PLK3: variants seen among roughly 807,000 people sequenced by gnomAD.
The protein encoded by PLK3 is serine/threonine-protein kinase PLK3.
PLK3 carries 41 observed loss-of-function variants against 71.6 expected under a neutral mutation model. The observed-to-expected ratio is 0.57, with a 90% CI of 0.45 to 0.74. The LOEUF is 0.74. Ranked by LOEUF, PLK3 falls within the 30% of genes least tolerant of loss-of-function variation. The pLI is 0.00. For missense variants in PLK3, 791 were observed against 875.6 expected (o/e 0.90, Z 1.22); for synonymous variants, 366 against 355.4 (o/e 1.03, Z -0.33).
Position 44,801,748 on chromosome 1 carries a change from T to C in PLK3, c.562T>C (p.Leu188=), listed in dbSNP as rs775945433. ...CGGCATCTTGCACCGGGACCTCAAGTTGGGTGAGACTCCTGAGCCTGGAGG... is the reference window on the plus strand; with the variant it reads ...CGGCATCTTGCACCGGGACCTCAAGCTGGGTGAGACTCCTGAGCCTGGAGG... ...QRGILHRDLK[L]GNFFITENME... is the part of the protein sequence containing the mutation. The change falls in exon 4 of 15, where the codon TTG becomes CTG. Residue 188 remains leucine (L), a synonymous_variant. Transcript: ENST00000372201. The C allele has an allele frequency of 6.5e-7, 1 of 1,530,618 alleles. No homozygotes were observed. The highest frequency in any genetic ancestry group is 1.1e-5 in the South Asian group (1 of 89,624). The allele number at this position is 1,530,618 out of a possible 1,614,324, so 94.8% of individuals were successfully genotyped here.
chr1:44,805,338 G>C lies in PLK3; in HGVS notation c.1708G>C (p.Asp570His). ...PPLLLQWVKT[D>H]QALLMLFSDG... ...CTTGCTGCTGCAGTGGGTCAAGACG[G>C]ATCAGGCTCTCCTCATGCTGTTTAG... The change falls in exon 14 of 15, where the codon GAT becomes CAT. Residue 570 changes from aspartate to histidine, a missense_variant. Asp to His is a moderately conservative substitution (Grantham distance 81). Transcript: ENST00000372201. The C allele has an allele frequency of 1.9e-6, 3 of 1,614,068 alleles. No homozygotes were observed. In the South Asian group the frequency reaches 3.3e-5, roughly 18 times the overall value.
Position 44,801,087 on chromosome 1 carries a change from C to T in PLK3, c.370C>T (p.Arg124Cys), listed in dbSNP as rs758824217. The T allele has an allele frequency of 1.8e-5, 29 of 1,613,432 alleles. No individual in the cohort carries two copies. The Middle Eastern group carries it at 6.6e-4, about 37-fold the overall frequency. The change falls in exon 3 of 15, where the codon CGT becomes TGT. Residue 124 changes from arginine (R) to cysteine (C), a missense_variant. Arg to Cys is a radical substitution (Grantham distance 180). Coordinates refer to ENST00000372201, the MANE Select transcript of PLK3 (RefSeq NM_004073.4). ...HRDLQHRHIV[R>C]FSHHFEDADN... is the part of the protein sequence containing the mutation. The stretch of plus-strand genomic sequence containing the variant: ...AGACCTGCAGCACCGCCACATCGTG[C>T]GTTTTTCGCACCACTTTGAGGACGC...
chr1:44,803,387 G>T lies in PLK3; in HGVS notation c.1068G>T (p.Lys356Asn). 1 of 1,614,064 alleles carries T rather than the reference G, an allele frequency of 6.2e-7. No homozygotes were observed. ...KVTKSLFGRK[K>N]KSKNHAQERD... ...CCAAGAGCCTCTTTGGCAGAAAGAA[G>T]AAGAGTGAGTCTGGGGTGTCAGTGG... The change falls in exon 8 of 15, where the codon AAG becomes AAT. Residue 356 changes from lysine to asparagine, a missense_variant. Coordinates refer to ENST00000372201, the MANE Select transcript of PLK3 (RefSeq NM_004073.4). This position sits in a 1 kb window ranked among gnomAD's most constrained non-coding sequence, Gnocchi z 4.3.
chr1:44,802,777 C>T lies in PLK3; in HGVS notation c.671C>T (p.Pro224Leu). 1 of 1,613,362 alleles carries T rather than the reference C, an allele frequency of 6.2e-7. No individual in the cohort carries two copies. The highest frequency in any genetic ancestry group is 8.5e-7 in the Non-Finnish European group (1 of 1,179,764). The change falls in exon 6 of 15, where the codon CCC becomes CTC. Residue 224 changes from proline (P) to leucine (L), a missense_variant. Coordinates refer to ENST00000372201, the MANE Select transcript of PLK3 (RefSeq NM_004073.4). ...EQRKKTICGT[P>L]NYVAPEVLLR... is the part of the protein sequence containing the mutation. ...TCTTTCAGGACCATCTGTGGCACCC[C>T]CAACTATGTGGCTCCAGAAGTGCTG...
intron 5 of PLK3, among the ~76,000 whole-genome samples, 173 bp from the exon 6 acceptor site, chr1:44,802,587 G>A (rs141192716): frequency 7.2e-5 from 11 of 152,186 alleles, no homozygotes; most frequent in East Asian, 3.9e-4. Flanking sequence ...TGGGCCAGGC[G>A]GGTGGGCGGG....
At chr1:44,802,537 GGTCAGGCCCTCCCCCT>G (rs1651866466) in intron 5 of PLK3, among the ~76,000 whole-genome samples, 1 of 152,050 alleles carries the variant, frequency 6.6e-6, no homozygotes, top group African/African-American at 2.4e-5. Context: ...CTGGGCTGGG[GGTCAGGCCCTCCCCCT>G]GTCATGAAGA....
In PLK3 at chr1:44,805,266, G is replaced by A. The variant is rs1408615947; in HGVS notation, c.1636G>A (p.Gly546Ser). The change falls in exon 14 of 15, where the codon GGT (glycine) becomes AGT (serine). Residue 546 changes from glycine (G) to serine (S), a missense_variant and splice_region_variant. Coordinates refer to ENST00000372201, the MANE Select transcript of PLK3 (RefSeq NM_004073.4). Reference protein sequence around the residue: ...ASYMEQHLMKGGDLPSVEEVE... With the variant: ...ASYMEQHLMKSGDLPSVEEVE... ...TGACCTGCCCTGATCCTGCTCCCAG[G>A]GTGGAGATCTGCCCAGTGTGGAAGA... 3.1e-6 allele frequency: 5 copies of A among 1,607,630 alleles called. No homozygotes were observed. Among genetic ancestry groups the A allele is most frequent in the East Asian group, 4.5e-5 (2 of 44,830 alleles).
Position 44,803,574 on chromosome 1 carries a change from AGGAC to A in PLK3, c.1073-23_1073-20del. The A allele has an allele frequency of 1.2e-6, 2 of 1,602,160 alleles. No individual in the cohort carries two copies. Among genetic ancestry groups the A allele is most frequent in the Non-Finnish European group, 1.7e-6 (2 of 1,169,452 alleles). ...AGTGGAGGGGCTGGGCAGGATACTG[AGGAC>A]GGTATCACCTTTCACCCCCAGGTAA... On this transcript the variant is annotated intron_variant, in intron 8 of 14. Transcript: ENST00000372201. This position sits in a 1 kb window ranked among gnomAD's most constrained non-coding sequence, Gnocchi z 4.3.
chr1:44,805,114 A>T (rs747712266), intron 13 of PLK3, 152 bp from the exon 14 acceptor site: 3 of 566,298 alleles, frequency 5.3e-6, no homozygotes, highest in Non-Finnish European at 9.4e-6. Flanking sequence ...TCAAAAAAAA[A>T]AAATAAAGAA....
In PLK3 at chr1:44,804,712, G is replaced by A. The variant is rs1038238648; in HGVS notation, c.1568G>A (p.Arg523Gln). ...HFSFSVGAVP[R>Q]ALQPQLGILR... ...TCCTTCTCCGTGGGTGCTGTGCCCCGGGCCCTGCAGCCTCAGCTGGGTATC... is the reference window on the plus strand; with the variant it reads ...TCCTTCTCCGTGGGTGCTGTGCCCCAGGCCCTGCAGCCTCAGCTGGGTATC... The change falls in exon 13 of 15, where the codon CGG (arginine) becomes CAG (glutamine). Residue 523 changes from arginine to glutamine, a missense_variant. Transcript: ENST00000372201. The A allele has an allele frequency of 9.3e-6, 15 of 1,613,882 alleles. No homozygotes were observed. In the Admixed American group the frequency reaches 1.0e-4, roughly 11 times the overall value.
chr1:44,802,609 C>T (rs765274564), intron 5 of PLK3, 151 bp from the exon 6 acceptor site: 2 of 645,348 alleles, frequency 3.1e-6, no homozygotes, highest in Non-Finnish European at 2.8e-6. Flanking sequence ...ACTCAGCTGC[C>T]ATCCCTGGCA....
chr1:44,801,951 G>T lies in PLK3; in HGVS notation c.653+19G>T. On this transcript the variant is annotated intron_variant, in intron 5 of 14. Transcript: ENST00000372201. ...GGAAGAAGTGAGTTTTGAGGAAAGG[G>T]GCCCTGTGTGTGATACAGATGACAT... The T allele has an allele frequency of 6.3e-7, 1 of 1,583,904 alleles. No homozygotes were observed.
chr1:44,801,649 C>T lies in PLK3; in HGVS notation c.463C>T (p.His155Tyr). The T allele has an allele frequency of 6.2e-7, 1 of 1,613,650 alleles. No individual in the cohort carries two copies. Among genetic ancestry groups the T allele is most frequent in the East Asian group, 2.2e-5 (1 of 44,874 alleles). ...KSLAHIWKAR[H>Y]TLLEPEVRYY... ...CCTGGCCCACATCTGGAAGGCCCGG[C>T]ACACCCTGTTGGAGCCAGAAGTGCG... is the stretch of plus-strand genomic sequence containing the variant. The change falls in exon 4 of 15, where the codon CAC becomes TAC. Residue 155 changes from histidine to tyrosine, a missense_variant. His to Tyr is a moderately conservative substitution (Grantham distance 83, BLOSUM62 2). Coordinates refer to ENST00000372201, the MANE Select transcript of PLK3 (RefSeq NM_004073.4).
rs772230847 is a variant in PLK3, at chr1:44,803,013, C to T, written c.808C>T (p.Arg270Cys). Residue 270 changes from arginine to cysteine, a missense_variant, in exon 7 of 15, where the codon CGC becomes TGC. By Grantham distance (180) the Arg-to-Cys change is radical (BLOSUM62 -3). Coordinates refer to ENST00000372201, the MANE Select transcript of PLK3 (RefSeq NM_004073.4). The surrounding 1 kb of genome is among the most constrained non-coding windows in gnomAD (Gnocchi z 4.3). The stretch of plus-strand genomic sequence containing the variant: ...GACGGCTGACCTGAAGGAGACGTAC[C>T]GCTGCATCAAGCAGGTTCACTACAC... ...FETADLKETY[R>C]CIKQVHYTLP... is the part of the protein sequence containing the mutation. The T allele has an allele frequency of 8.1e-6, 13 of 1,613,914 alleles. No homozygotes were observed. Among genetic ancestry groups the T allele is most frequent in the Admixed American group, 6.7e-5 (4 of 60,002 alleles).
Position 44,800,515 on chromosome 1 carries a change from G to C in PLK3, c.52G>C (p.Ala18Pro). The C allele has an allele frequency of 6.9e-7, 1 of 1,449,606 alleles. No individual in the cohort carries two copies. The highest frequency in any genetic ancestry group is 9.0e-7 in the Non-Finnish European group (1 of 1,108,308). 89.8% of individuals were successfully genotyped at this position (1,449,606 alleles called of 1,614,324 possible). A position where few individuals can be genotyped will look rare whatever the true frequency, so the allele number is the denominator to read the frequency against. ...LSPRPFQRAAAAPAPPAGPGP... is the reference protein window; with the variant it reads ...LSPRPFQRAAPAPAPPAGPGP... The stretch of plus-strand genomic sequence containing the variant: ...TCCGCGCCCCTTCCAGCGTGCGGCC[G>C]CCGCGCCCGCTCCCCCGGCCGGGCC... Residue 18 changes from alanine (A) to proline (P), a missense_variant, in exon 1 of 15, where the codon GCC (alanine) becomes CCC (proline). Coordinates refer to ENST00000372201, the MANE Select transcript of PLK3 (RefSeq NM_004073.4). The surrounding 1 kb of genome is among the most constrained non-coding windows in gnomAD (Gnocchi z 6.5).
chr1:44,805,725 C>T lies in PLK3; in HGVS notation c.*47C>T. 6.3e-7 allele frequency: 1 copy of T among 1,574,892 alleles called. No homozygotes were observed. Among genetic ancestry groups the T allele is most frequent in the South Asian group, 1.1e-5 (1 of 90,036 alleles). ...GGCCTGTGCCTGTCAGGCTCTGGCCCTTGCCTTTGTGGCCTTCCCCCTTCC... is the reference window on the plus strand; with the variant it reads ...GGCCTGTGCCTGTCAGGCTCTGGCCTTTGCCTTTGTGGCCTTCCCCCTTCC... On this transcript the variant is annotated 3_prime_UTR_variant, in exon 15 of 15. Coordinates refer to ENST00000372201, the MANE Select transcript of PLK3 (RefSeq NM_004073.4).
chr1:44,803,308 C>T lies in PLK3; in HGVS notation c.989C>T (p.Thr330Ile). The stretch of plus-strand genomic sequence containing the variant: ...CGACTCCCTATCAGCAGCTGCGTGA[C>T]AGTCCCAGACCTGACACCCCCCAAC... ...PDRLPISSCV[T>I]VPDLTPPNPA... The change falls in exon 8 of 15, where the codon ACA (threonine) becomes ATA (isoleucine). Residue 330 changes from threonine (T) to isoleucine (I), a missense_variant. Coordinates refer to ENST00000372201, the MANE Select transcript of PLK3 (RefSeq NM_004073.4). The surrounding 1 kb of genome is among the most constrained non-coding windows in gnomAD (Gnocchi z 4.3). 6.2e-7 allele frequency: 1 copy of T among 1,614,182 alleles called. No individual in the cohort carries two copies.
In PLK3 at chr1:44,803,819, C is replaced by T. The variant is rs919254908; in HGVS notation, c.1165-112C>T. On this transcript the variant is annotated intron_variant, in intron 9 of 14. Transcript: ENST00000372201. This position sits in a 1 kb window ranked among gnomAD's most constrained non-coding sequence, Gnocchi z 4.3. ...GGCCTAATTGGCTGTGTGTCACCAG[C>T]CTGGCGGGGCTGACCTGGGGTGCCC... 75 of 1,123,620 alleles carry T rather than the reference C, an allele frequency of 6.7e-5. No individual in the cohort carries two copies. The African/African-American group carries it at 1.0e-3, about 15-fold the overall frequency. 69.6% of individuals were successfully genotyped at this position (1,123,620 alleles called of 1,614,324 possible).
rs761060112 is a variant in PLK3 at position 44,803,223 on chromosome 1, AC to A, written c.949-41del. The A allele has an allele frequency of 3.1e-6, 5 of 1,611,044 alleles. No homozygotes were observed. Among genetic ancestry groups the A allele is most frequent in the Admixed American group, 3.3e-5 (2 of 59,866 alleles). On this transcript the variant is annotated intron_variant, in intron 7 of 14. Transcript: ENST00000372201. The surrounding 1 kb of genome is among the most constrained non-coding windows in gnomAD (Gnocchi z 4.3). ...GGATTGAAAGGGGGCAGGTGACAGGACCCCTGGAGCCTCTCTTCTCTGTTCA... is the reference window on the plus strand; with the variant it reads ...GGATTGAAAGGGGGCAGGTGACAGGACCCTGGAGCCTCTCTTCTCTGTTCA...
Sources: gnomAD v4.1 joint callset for allele counts (sites outside exome capture counted in the v4.1 genomes callset) on GRCh38, gnomAD v4.1.1 for gene constraint, Gnocchi (gnomAD v3.1) non-coding constraint, MANE v1.5 for transcripts, NCBI Gene and HGNC (gene_info 2026-07-23, HGNC 2026-07-21) for gene names.